GALK2: variants seen among roughly 807,000 people sequenced by gnomAD.
GALK2 encodes the protein galactokinase 2, also known as N-acetylgalactosamine kinase.
In GALK2, 36 loss-of-function variants were observed where a neutral mutation model predicts 52.4. The ratio of observed to expected loss-of-function variants is 0.69; its 90% CI spans 0.53 to 0.91. GALK2 has a LOEUF of 0.91. GALK2 is among the 40% of genes least tolerant of loss of function. The pLI is 0.00. For synonymous variants in GALK2, 176 were observed against 199.1 expected (o/e 0.88, Z 0.98); for missense variants, 579 against 559.1 (o/e 1.04, Z -0.36).
intron 1 of GALK2, among the ~76,000 whole-genome samples, chr15:49,192,456 C>G (rs1015309668): frequency 7.8e-6 from 1 of 128,686 alleles, no homozygotes; most frequent in Admixed American, 8.4e-5. Flanking sequence ...CGATTATAAA[C>G]TATTCTGCAA....
rs777255659 is a variant in GALK2 at position 49,292,442 on chromosome 15, A to G, written c.872A>G (p.His291Arg). 1.0e-4 allele frequency: 162 copies of G among 1,613,966 alleles called. No homozygotes were observed. The highest frequency in any genetic ancestry group is 1.6e-4 in the Middle Eastern group (1 of 6,076). Residue 291 changes from histidine (H) to arginine (R), a missense_variant, in exon 8 of 10, where the codon CAT becomes CGT. His to Arg is a conservative substitution (Grantham distance 29). Coordinates refer to ENST00000560031, the MANE Select transcript of GALK2 (RefSeq NM_002044.4). ...EMLLVTEDAL[H>R]PEPYNPEEIC... is the part of the protein sequence containing the mutation. The stretch of plus-strand genomic sequence containing the variant: ...CTGTTGGTCACAGAAGATGCCCTTC[A>G]TCCTGAACCCTATAACCCTGAGGAG...
At chr15:49,252,263 C>T (rs1229160237) in intron 5 of GALK2, among the ~76,000 whole-genome samples, 1 of 151,828 alleles carries the variant, frequency 6.6e-6, no homozygotes, top group Admixed American at 6.6e-5. Context: ...AAGACTTCGT[C>T]TCAAAAAAAA....
chr15:49,332,587 G>C (rs17476940), downstream of GALK2, among the ~76,000 whole-genome samples: 32,738 of 152,130 alleles, frequency 0.22, 3,712 homozygotes, highest in South Asian at 0.25. Context: ...AAACTTGAGA[G>C]AAGGAGAAAC....
Position 49,357,613 on chromosome 15 carries a change from AAG to A in GALK2, c.427-9875_427-9874del, listed in dbSNP as rs1400636991. On this transcript the variant is annotated intron_variant, in intron 3 of 3. Transcript: ENST00000558399. ...AATAATCAATAGCTTACCAACCAAA[AAG>A]AGTCCAGGACCAGATGGATTCACAG... Among the ~76,000 whole-genome samples the A allele has an allele frequency of 3.6e-3, 541 of 150,714 alleles. 18 individuals are homozygous for A. In the East Asian group the frequency reaches 0.096, roughly 27 times the overall value.
chr15:49,232,033 G>A (rs2090530848), intron 3 of GALK2, among the ~76,000 whole-genome samples: 2 of 152,216 alleles, frequency 1.3e-5, no homozygotes, highest in South Asian at 4.1e-4. Context: ...GGGGCTCTGT[G>A]TGAGGGATTC....
upstream of GALK2, among the ~76,000 whole-genome samples, chr15:49,167,951 C>T (rs955513479): frequency 6.6e-6 from 1 of 152,000 alleles, no homozygotes; most frequent in African/African-American, 2.4e-5. Flanking sequence ...TATTTTGGGA[C>T]AAGGATTCTA....
chr15:49,326,259 T>C (rs904056820), intron 9 of GALK2, among the ~76,000 whole-genome samples: 12 of 128,370 alleles, frequency 9.3e-5, no homozygotes, highest in African/African-American at 4.3e-4. Context: ...ACAACCATTT[T>C]TTTTTTTTTT....
At chr15:49,234,612 C>G (rs553390420) in intron 3 of GALK2, among the ~76,000 whole-genome samples, 1 of 152,100 alleles carries the variant, frequency 6.6e-6, no homozygotes, top group Non-Finnish European at 1.5e-5. Context: ...CAGCGGATCC[C>G]ATGAGACTTA....
chr15:49,239,434 A>T, intron 5 of GALK2, 67 bp downstream of exon 5: 1 of 1,433,450 alleles, frequency 7.0e-7, no homozygotes, highest in Non-Finnish European at 9.7e-7. Flanking sequence ...CAAATCTCAA[A>T]TCAGAATGCC....
chr15:49,195,218 C>A (rs140166165), intron 1 of GALK2: 22 of 390,296 alleles, frequency 5.6e-5, no homozygotes, highest in South Asian at 1.8e-4. Flanking sequence ...ATTACAGGTG[C>A]GTGCCACCAT....
At chr15:49,275,569 C>T (rs569653716) in intron 5 of GALK2, among the ~76,000 whole-genome samples, 1 of 152,130 alleles carries the variant, frequency 6.6e-6, no homozygotes, top group South Asian at 2.1e-4. Flanking sequence ...TGGTTAGAGC[C>T]TTGTGTTCTG....
chr15:49,194,967 T>G (rs1487007207), intron 1 of GALK2: 2 of 353,632 alleles, frequency 5.7e-6, no homozygotes, highest in South Asian at 2.1e-5. Flanking sequence ...TGGTATTTTT[T>G]GGGAGATTTA....
chr15:49,340,403 G>GCCCCCCCCCCCCC (rs373386438), intron 3 of GALK2, among the ~76,000 whole-genome samples: 6 of 94,380 alleles, frequency 6.4e-5, no homozygotes, highest in East Asian at 4.5e-4. Flanking sequence ...GCAGTGCCCC[G>GCCCCCCCCCCCCC]CCCCCCCCCT....
intron 7 of GALK2, among the ~76,000 whole-genome samples, chr15:49,285,863 G>A (rs1194614058): frequency 3.9e-5 from 6 of 151,946 alleles, no homozygotes; most frequent in South Asian, 2.1e-4. Context: ...TTCCTATTTC[G>A]TTGGAATAAA....
chr15:49,227,358 TC>T (rs1486022340), intron 3 of GALK2, among the ~76,000 whole-genome samples: 1 of 152,176 alleles, frequency 6.6e-6, no homozygotes, highest in East Asian at 1.9e-4. Flanking sequence ...GCTAATTTGA[TC>T]CCTTTGTCAT....
At chr15:49,299,065 T>C (rs2034732803) in intron 8 of GALK2, among the ~76,000 whole-genome samples, 1 of 152,150 alleles carries the variant, frequency 6.6e-6, no homozygotes, top group Admixed American at 6.6e-5. Context: ...AGATTTTTTA[T>C]TATTGATTCA....
intron 3 of GALK2, among the ~76,000 whole-genome samples, chr15:49,234,629 A>G (rs2090692713): frequency 6.6e-6 from 1 of 152,154 alleles, no homozygotes; most frequent in African/African-American, 2.4e-5. Context: ...CTTATTCACT[A>G]TCATGACAAA....
chr15:49,335,324 A>C (rs1395076093), downstream of GALK2: 1 of 763,608 alleles, frequency 1.3e-6, no homozygotes, highest in Non-Finnish European at 2.2e-6. Flanking sequence ...GACTCTCCTC[A>C]TCATTAAGGA....
At chr15:49,294,591 T>G (rs1034441394) in intron 8 of GALK2, among the ~76,000 whole-genome samples, 1 of 152,146 alleles carries the variant, frequency 6.6e-6, no homozygotes, top group Admixed American at 6.5e-5. Context: ...AGATATTGAT[T>G]TCTTTAACAA....
Sources: gnomAD v4.1 joint callset for allele counts (sites outside exome capture counted in the v4.1 genomes callset) on GRCh38, gnomAD v4.1.1 for gene constraint, MANE v1.5 for transcripts, NCBI Gene and HGNC (gene_info 2026-07-23, HGNC 2026-07-21) for gene names.